STXBP4: variants seen among roughly 807,000 people sequenced by gnomAD.
STXBP4 encodes the protein syntaxin binding protein 4, also known as syntaxin-binding protein 4.
STXBP4 carries 55 observed loss-of-function variants against 76.1 expected under a neutral mutation model. The ratio of observed to expected loss-of-function variants is 0.72; its 90% CI spans 0.58 to 0.91. The LOEUF is 0.91. STXBP4 is among the 40% of genes least tolerant of loss of function. The pLI, the probability that STXBP4 is intolerant of heterozygous loss-of-function variation, is 0.00. For synonymous variants in STXBP4, 201 were observed against 220.2 expected, an observed-to-expected ratio of 0.91 and a Z score of 0.77; for missense variants, 618 against 636.9, an observed-to-expected ratio of 0.97 and a Z score of 0.32.
intron 16 of STXBP4, among the ~76,000 whole-genome samples, chr17:55,120,014 C>T (rs922959856): frequency 5.3e-5 from 8 of 152,066 alleles, no homozygotes; most frequent in African/African-American, 1.9e-4. Context: ...TATAATCCCA[C>T]CTTTATTGTT....
rs2080331869 is a variant in STXBP4, at chr17:55,160,987, A to G, written c.*1076A>G. 6.6e-6 allele frequency: 1 copy of G among 152,110 alleles called. No homozygotes were observed. Among genetic ancestry groups the G allele is most frequent in the South Asian group, 2.1e-4 (1 of 4,828 alleles). The allele number at this position is 152,110 out of a possible 1,614,324, so 9.4% of individuals were successfully genotyped here. ...GTATCTGTTAAAACATTACTGCTCT[A>G]CTCGAAACAAGATGGAAGCCTAAAG... On this transcript the variant is annotated 3_prime_UTR_variant, in exon 18 of 18. Transcript: ENST00000376352.
rs76907283 is a variant in STXBP4 at position 54,996,738 on chromosome 17, C to T, written c.181-2607C>T. Among the ~76,000 whole-genome samples the T allele has an allele frequency of 6.9e-3, 1,057 of 152,152 alleles. 15 individuals are homozygous for T. Among genetic ancestry groups the T allele is most frequent in the African/African-American group, 0.024 (1,000 of 41,494 alleles). ...CATCAGTCTACATCTTGTAAAAGTACAGGAAAGGAATCTTAAGGCTTACAG... is the reference window on the plus strand; with the variant it reads ...CATCAGTCTACATCTTGTAAAAGTATAGGAAAGGAATCTTAAGGCTTACAG... On this transcript the variant is annotated intron_variant, in intron 4 of 17. Transcript: ENST00000376352.
intron 16 of STXBP4, among the ~76,000 whole-genome samples, chr17:55,089,761 A>T (rs2079385889): frequency 6.6e-6 from 1 of 152,212 alleles, no homozygotes; most frequent in African/African-American, 2.4e-5. Flanking sequence ...TATCTTTAGA[A>T]ATGCATAATA....
At chr17:54,973,330 C>A (rs1380029169) in intron 1 of STXBP4, among the ~76,000 whole-genome samples, 1 of 152,204 alleles carries the variant, frequency 6.6e-6, no homozygotes, top group Non-Finnish European at 1.5e-5. Context: ...AACAAAAACA[C>A]TGAAGCCTTT....
At chr17:55,085,742 A>G (rs2079317652) in intron 16 of STXBP4, among the ~76,000 whole-genome samples, 1 of 152,246 alleles carries the variant, frequency 6.6e-6, no homozygotes, top group East Asian at 1.9e-4. Context: ...CTCTGGGGTA[A>G]GTTCTGATTT....
At chr17:55,017,455 G>C (rs934457774) in intron 8 of STXBP4, among the ~76,000 whole-genome samples, 4 of 152,142 alleles carry the variant, frequency 2.6e-5, no homozygotes, top group Non-Finnish European at 4.4e-5. Flanking sequence ...AGCTTCCTTA[G>C]ATCCCTTTGG....
chr17:54,978,440 G>A (rs2077501769), intron 1 of STXBP4, among the ~76,000 whole-genome samples: 1 of 152,114 alleles, frequency 6.6e-6, no homozygotes, highest in Non-Finnish European at 1.5e-5. Context: ...TCTACTGCCT[G>A]TCAATTTGCT....
At chr17:55,131,367 A>G (rs1247745907) in intron 16 of STXBP4, among the ~76,000 whole-genome samples, 2 of 152,220 alleles carry the variant, frequency 1.3e-5, no homozygotes, top group Non-Finnish European at 2.9e-5. Flanking sequence ...ATGGTATGGT[A>G]GTATAAAGTG....
chr17:55,211,874 G>A, the STXBP4 span, among the ~76,000 whole-genome samples: 1 of 139,470 alleles, frequency 7.2e-6, no homozygotes, highest in Non-Finnish European at 1.5e-5. Context: ...GCAGTGGTGC[G>A]ATCTTGGCTC....
intron 1 of STXBP4, among the ~76,000 whole-genome samples, chr17:54,983,766 T>C (rs537954725): frequency 6.6e-6 from 1 of 152,326 alleles, no homozygotes; most frequent in Non-Finnish European, 1.5e-5. Flanking sequence ...GAGAATCTGC[T>C]CCATGCGTGT....
intron 12 of STXBP4, among the ~76,000 whole-genome samples, chr17:55,057,612 A>G (rs2078944140): frequency 6.6e-6 from 1 of 152,166 alleles, no homozygotes; most frequent in Non-Finnish European, 1.5e-5. Flanking sequence ...ATAGGTATAC[A>G]TATCCCATGG....
chr17:55,198,651 T>C, the STXBP4 span, among the ~76,000 whole-genome samples: 1 of 152,202 alleles, frequency 6.6e-6, no homozygotes, highest in Non-Finnish European at 1.5e-5. Flanking sequence ...ATAACGACTT[T>C]AAATGAAGCA....
chr17:55,191,206 G>C, the STXBP4 span, among the ~76,000 whole-genome samples: 1 of 152,118 alleles, frequency 6.6e-6, no homozygotes, highest in Non-Finnish European at 1.5e-5. Context: ...GAGTGCTGAA[G>C]GGACTATTAG....
chr17:55,179,025 C>T, the STXBP4 span, among the ~76,000 whole-genome samples: 1 of 152,132 alleles, frequency 6.6e-6, no homozygotes, highest in South Asian at 2.1e-4. Flanking sequence ...CTAAATAGTG[C>T]CTTATTAGCA....
At chr17:54,992,077 T>C (rs2077726493) in intron 4 of STXBP4, among the ~76,000 whole-genome samples, 1 of 152,114 alleles carries the variant, frequency 6.6e-6, no homozygotes, top group South Asian at 2.1e-4. Context: ...GTTTTATGCT[T>C]GTTCAGATAA....
chr17:55,189,983 T>A, the STXBP4 span, among the ~76,000 whole-genome samples: 1 of 152,226 alleles, frequency 6.6e-6, no homozygotes, highest in African/African-American at 2.4e-5. Flanking sequence ...TAAGTGTTAC[T>A]TTCCTTTCCT....
intron 16 of STXBP4, among the ~76,000 whole-genome samples, chr17:55,100,894 C>T (rs1345698264): frequency 6.6e-6 from 1 of 152,112 alleles, no homozygotes; most frequent in Non-Finnish European, 1.5e-5. Flanking sequence ...ACATGAGCTG[C>T]TATGTTAGGA....
At chr17:55,197,984 T>C in the STXBP4 span, among the ~76,000 whole-genome samples, 1 of 152,078 alleles carries the variant, frequency 6.6e-6, no homozygotes, top group Non-Finnish European at 1.5e-5. Flanking sequence ...AAAGCAGAGA[T>C]TTATTGAAAA....
chr17:55,017,304 G>A (rs970277251), intron 8 of STXBP4, among the ~76,000 whole-genome samples: 9 of 151,904 alleles, frequency 5.9e-5, no homozygotes, highest in African/African-American at 1.9e-4. Context: ...ACAAACTTGG[G>A]GCCCTGGCAA....
Sources: allele counts gnomAD v4.1 joint callset (sites outside exome capture counted in the v4.1 genomes callset), GRCh38; gene constraint gnomAD v4.1.1; transcripts MANE v1.5; gene names NCBI Gene and HGNC (gene_info 2026-07-23, HGNC 2026-07-21).